NAV3: variants seen among roughly 807,000 people sequenced by gnomAD.
The protein encoded by NAV3 is pore membrane and/or filament interacting like protein 1.
NAV3 carries 87 observed loss-of-function variants against 244.7 expected under a neutral mutation model. That is an observed-to-expected ratio of 0.36 (90% CI 0.30 to 0.42). The LOEUF is 0.42. NAV3 is among the 20% of genes least tolerant of loss of function. The probability of loss-of-function intolerance (pLI) is 1.00; values close to 1 mark genes in which losing one functional copy is unlikely to be tolerated. For synonymous variants in NAV3, 1,126 were observed against 1,042.2 expected (o/e 1.08, Z -1.55); for missense variants, 2,663 against 2,893.3 (o/e 0.92, Z 1.83).
At chr12:78,008,638 C>G (rs1476404001) in intron 8 of NAV3, among the ~76,000 whole-genome samples, 1 of 134,590 alleles carries the variant, frequency 7.4e-6, no homozygotes, top group African/African-American at 2.7e-5. Context: ...TAAAATAAAG[C>G]AGTTTATACT....
chr12:77,761,127 C>T lies in NAV3; in HGVS notation c.73-179192C>T, dbSNP rs11106586. ...GGCTGGAGTGTTAGTGGTGCTATCTCGGCTCACTGCAACCTCCGCCTCCCA... is the reference window on the plus strand; with the variant it reads ...GGCTGGAGTGTTAGTGGTGCTATCTTGGCTCACTGCAACCTCCGCCTCCCA... On this transcript the variant is annotated intron_variant, in intron 2 of 8. Coordinates refer to the NAV3 transcript ENST00000550042. Among the ~76,000 whole-genome samples, 455 of 152,246 alleles carry T rather than the reference C, an allele frequency of 3.0e-3. 3 individuals carry two copies. The highest frequency in any genetic ancestry group is 0.01 in the African/African-American group (432 of 41,544).
At chr12:77,705,719 T>G (rs1334591829) in intron 2 of NAV3, among the ~76,000 whole-genome samples, 1 of 151,418 alleles carries the variant, frequency 6.6e-6, no homozygotes. Context: ...CAAAGTCACT[T>G]GAGCTTTCTA....
intron 6 of NAV3, among the ~76,000 whole-genome samples, chr12:77,997,907 C>T (rs1004014981): frequency 6.6e-6 from 1 of 152,132 alleles, no homozygotes; most frequent in Non-Finnish European, 1.5e-5. Context: ...TATATAACTA[C>T]CTACAATAAA....
At chr12:77,866,473 T>C (rs1880049867) in intron 1 of NAV3, among the ~76,000 whole-genome samples, 1 of 152,182 alleles carries the variant, frequency 6.6e-6, no homozygotes, top group Non-Finnish European at 1.5e-5. Flanking sequence ...ATCAGAAGAC[T>C]CACATGATCC....
At chr12:77,621,810 A>T (rs527831859) in intron 2 of NAV3, among the ~76,000 whole-genome samples, 63 of 152,190 alleles carry the variant, frequency 4.1e-4, no homozygotes, top group African/African-American at 1.4e-3. Context: ...TAGATTGATT[A>T]CATACCCTCC....
chr12:78,023,990 A>C (rs1010848355), intron 9 of NAV3, among the ~76,000 whole-genome samples: 4 of 152,046 alleles, frequency 2.6e-5, no homozygotes, highest in Non-Finnish European at 5.9e-5. Flanking sequence ...CTACTTCTCT[A>C]TGACCTCACT....
chr12:78,059,265 GT>G, intron 12 of NAV3, 150 bp downstream of exon 12: 8 of 782,608 alleles, frequency 1.0e-5, no homozygotes, highest in Admixed American at 4.2e-5. Context: ...ATTATTTAGG[GT>G]TTTTTTGTTT....
At chr12:78,049,563 G>C (rs1247629694) in intron 9 of NAV3, among the ~76,000 whole-genome samples, 1 of 152,162 alleles carries the variant, frequency 6.6e-6, no homozygotes, top group Non-Finnish European at 1.5e-5. Context: ...GTCACTGTGA[G>C]ATGAGCCTGG....
chr12:77,836,566 G>A (rs749147850), intron 1 of NAV3, among the ~76,000 whole-genome samples: 1 of 152,190 alleles, frequency 6.6e-6, no homozygotes, highest in African/African-American at 2.4e-5. Flanking sequence ...AACAGAGAGA[G>A]TAGGAGTCAT....
chr12:77,615,767 T>C (rs1425233608), intron 2 of NAV3, among the ~76,000 whole-genome samples: 2 of 152,170 alleles, frequency 1.3e-5, no homozygotes, highest in African/African-American at 4.8e-5. Context: ...CTCTTGTTTG[T>C]GCTGTTAATT....
intron 12 of NAV3, among the ~76,000 whole-genome samples, chr12:78,089,449 A>T (rs1593532273): frequency 6.6e-6 from 1 of 152,302 alleles, no homozygotes; most frequent in East Asian, 1.9e-4. Flanking sequence ...TTTATCAAAA[A>T]CTAATCTATA....
intron 2 of NAV3, among the ~76,000 whole-genome samples, chr12:77,645,665 A>G (rs1872582449): frequency 6.6e-6 from 1 of 151,664 alleles, no homozygotes; most frequent in African/African-American, 2.4e-5. Flanking sequence ...TTGCAAATAT[A>G]TTAATTTTGG....
At chr12:78,076,493 C>G (rs1280950951) in intron 12 of NAV3, among the ~76,000 whole-genome samples, 2 of 152,110 alleles carry the variant, frequency 1.3e-5, no homozygotes, top group Non-Finnish European at 2.9e-5. Context: ...GTTCTTATCA[C>G]AAAATATACA....
intron 12 of NAV3, among the ~76,000 whole-genome samples, chr12:78,077,472 T>C (rs370793821): frequency 7.7e-4 from 118 of 152,344 alleles, no homozygotes; most frequent in African/African-American, 2.6e-3. Flanking sequence ...AAAGACATTC[T>C]TAAATAACAG....
At chr12:77,844,076 T>C (rs1006040850) in intron 1 of NAV3, among the ~76,000 whole-genome samples, 1 of 152,184 alleles carries the variant, frequency 6.6e-6, no homozygotes, top group Non-Finnish European at 1.5e-5. Context: ...AATCAGTGCA[T>C]TTGTGCTGCT....
At chr12:78,088,353 A>G (rs996339976) in intron 12 of NAV3, among the ~76,000 whole-genome samples, 2 of 152,090 alleles carry the variant, frequency 1.3e-5, no homozygotes, top group Non-Finnish European at 2.9e-5. Context: ...TCCAACAAAG[A>G]ATTAGACACT....
chr12:78,003,368 G>A (rs1370308663), intron 7 of NAV3, among the ~76,000 whole-genome samples: 1 of 152,130 alleles, frequency 6.6e-6, no homozygotes, highest in Non-Finnish European at 1.5e-5. Context: ...GATCTGTGAT[G>A]CTTAAAGTAT....
At chr12:77,772,447 C>A (rs1384800502) in intron 2 of NAV3, among the ~76,000 whole-genome samples, 1 of 152,076 alleles carries the variant, frequency 6.6e-6, no homozygotes, top group Non-Finnish European at 1.5e-5. Flanking sequence ...GAATATATAT[C>A]TTTTTATAAG....
chr12:77,830,039 A>G (rs779837355), upstream of NAV3, among the ~76,000 whole-genome samples: 2 of 152,112 alleles, frequency 1.3e-5, no homozygotes, highest in Non-Finnish European at 2.9e-5. Context: ...TCTGAGTGCA[A>G]TCAGTTTCAG....
Sources: gnomAD v4.1 joint callset for allele counts (sites outside exome capture counted in the v4.1 genomes callset) on GRCh38, gnomAD v4.1.1 for gene constraint, MANE v1.5 for transcripts, NCBI Gene and HGNC (gene_info 2026-07-23, HGNC 2026-07-21) for gene names.